TCF12: variants seen among roughly 807,000 people sequenced by gnomAD.
TCF12 encodes the protein DNA-binding protein HTF4.
A neutral mutation model predicts 86.0 loss-of-function variants in TCF12; 45 were observed. That is an observed-to-expected ratio of 0.52 (90% CI 0.41 to 0.67). TCF12 has a LOEUF of 0.67. TCF12 is among the 30% of genes least tolerant of loss of function. The pLI, the probability that TCF12 is intolerant of heterozygous loss-of-function variation, is 0.00. For synonymous variants in TCF12, 330 were observed against 299.6 expected, an observed-to-expected ratio of 1.10 and a Z score of -1.05; for missense variants, 881 against 859.9, an observed-to-expected ratio of 1.02 and a Z score of -0.31.
chr15:56,979,198 G>C (rs2062763542), intron 3 of TCF12, among the ~76,000 whole-genome samples: 3 of 152,096 alleles, frequency 2.0e-5, no homozygotes, highest in Admixed American at 2.0e-4. Context: ...TCTGAAAATT[G>C]AGTCTTTAGG....
chr15:57,069,021 T>C (rs1015636799), intron 4 of TCF12, among the ~76,000 whole-genome samples: 4 of 152,210 alleles, frequency 2.6e-5, no homozygotes, highest in African/African-American at 9.7e-5. Context: ...TGTCGAGTTA[T>C]ATGAGTTTGT....
Position 57,289,096 on chromosome 15 carries a change from G to C in TCF12, c.*2951G>C, listed in dbSNP as rs1052353463. ...TTTTTTTGACAGTGAATGACTTTTT[G>C]TAGGACCTGTGCGTGCGAAACCCAT... On this transcript the variant is annotated 3_prime_UTR_variant, in exon 21 of 21. Coordinates refer to ENST00000333725, the MANE Select transcript of TCF12 (RefSeq NM_207037.2). The C allele has an allele frequency of 3.9e-5, 6 of 152,100 alleles. No homozygotes were observed. Among genetic ancestry groups the C allele is most frequent in the Non-Finnish European group, 7.4e-5 (5 of 68,004 alleles). The allele number at this position is 152,100 out of a possible 1,614,324, so 9.4% of individuals were successfully genotyped here. A position where few individuals can be genotyped will look rare whatever the true frequency, so the allele number is the denominator to read the frequency against.
At chr15:56,933,368 GT>G (rs2060329224) in intron 3 of TCF12, among the ~76,000 whole-genome samples, 1 of 152,092 alleles carries the variant, frequency 6.6e-6, no homozygotes, top group Non-Finnish European at 1.5e-5. Flanking sequence ...TTGGGCTGTT[GT>G]TTTGTTAAAG....
Position 57,151,141 on chromosome 15 carries a change from A to ATT in TCF12, c.326-15240_326-15239dup, listed in dbSNP as rs756072811. 4.2e-3 allele frequency among the ~76,000 whole-genome samples: 533 copies of ATT among 128,106 alleles called. 6 individuals carry two copies. Among genetic ancestry groups the ATT allele is most frequent in the Admixed American group, 0.016 (194 of 12,014 alleles). The allele number at this position is 128,106 out of a possible 152,430, so 84.0% of individuals were successfully genotyped here. ...TGCAAGGATGCACCATGCCTGGCCAATTTTTTTTTTTTTTTTTTTTTTAGA... is the reference window on the plus strand; with the variant it reads ...TGCAAGGATGCACCATGCCTGGCCAATTTTTTTTTTTTTTTTTTTTTTTTAGA... On this transcript the variant is annotated intron_variant, in intron 5 of 20. Transcript: ENST00000333725.
intron 5 of TCF12, among the ~76,000 whole-genome samples, chr15:57,103,252 A>G (rs1191110202): frequency 3.3e-5 from 5 of 152,224 alleles, no homozygotes; most frequent in African/African-American, 1.2e-4. Flanking sequence ...ATAAATGTAA[A>G]TTGTGGATTT....
At chr15:56,959,029 G>T (rs1187838491) in intron 3 of TCF12, among the ~76,000 whole-genome samples, 5 of 152,034 alleles carry the variant, frequency 3.3e-5, no homozygotes, top group African/African-American at 1.2e-4. Context: ...GGCTTATTGG[G>T]TCATACCTTA....
intron 14 of TCF12, 142 bp from the exon 15 acceptor site, chr15:57,252,279 A>G: frequency 1.2e-5 from 7 of 594,056 alleles, no homozygotes; most frequent in Non-Finnish European, 1.8e-5. Flanking sequence ...GCCTTTTCAT[A>G]TCTTAATAAA....
intron 6 of TCF12, among the ~76,000 whole-genome samples, chr15:57,186,450 C>T (rs1172082721): frequency 1.3e-5 from 2 of 152,068 alleles, no homozygotes; most frequent in African/African-American, 2.4e-5. Flanking sequence ...AGTGAGCCAT[C>T]ATTGAGCCAC....
intron 3 of TCF12, among the ~76,000 whole-genome samples, chr15:56,944,971 G>T (rs563690790): frequency 6.6e-6 from 1 of 152,230 alleles, no homozygotes; most frequent in African/African-American, 2.4e-5. Flanking sequence ...TGCAATACAT[G>T]AACATATCTC....
At chr15:57,251,516 G>A (rs1597644777) in intron 14 of TCF12, 93 bp downstream of exon 14, 1 of 1,185,602 alleles carries the variant, frequency 8.4e-7, no homozygotes, top group Non-Finnish European at 1.2e-6. Context: ...CAGTAGGCTA[G>A]CATTGCACAT....
intron 3 of TCF12, among the ~76,000 whole-genome samples, chr15:56,962,132 CAAAAAAAAA>C (rs397853683): frequency 9.0e-4 from 57 of 63,022 alleles, no homozygotes; most frequent in Admixed American, 3.1e-4. Flanking sequence ...GACTCCGTCT[CAAAAAAAAA>C]AAAAAAAAAA....
In TCF12 at chr15:57,271,543, C is replaced by A. The variant is rs148483837; in HGVS notation, c.1746-1487C>A. On this transcript the variant is annotated intron_variant, in intron 18 of 20. Transcript: ENST00000333725. ...GGTAATCCCCCAACCCCTTGCACTTCCCACGTGAGGCAATGCCCCACCCTG... is the reference window on the plus strand; with the variant it reads ...GGTAATCCCCCAACCCCTTGCACTTACCACGTGAGGCAATGCCCCACCCTG... Among the ~76,000 whole-genome samples the A allele has an allele frequency of 2.6e-3, 392 of 152,314 alleles. 4 individuals carry two copies. The highest frequency in any genetic ancestry group is 0.014 in the Middle Eastern group (4 of 294).
downstream of TCF12, among the ~76,000 whole-genome samples, chr15:57,290,323 A>T (rs1212518266): frequency 6.3e-5 from 9 of 143,386 alleles, no homozygotes; most frequent in African/African-American, 2.1e-4. Context: ...AGCCAGGGGA[A>T]CAAGAGCAAA....
chr15:57,270,803 C>G (rs1174045890), intron 18 of TCF12, among the ~76,000 whole-genome samples: 2 of 152,152 alleles, frequency 1.3e-5, no homozygotes, highest in African/African-American at 4.8e-5. Context: ...TGTTAGTTTT[C>G]CTTCTAACAG....
rs376547557 is a variant in TCF12 at position 56,967,246 on chromosome 15, AT to A, written c.148+46150del. Among the ~76,000 whole-genome samples, 137 of 152,018 alleles carry A rather than the reference AT, an allele frequency of 9.0e-4. 4 individuals carry two copies. The highest frequency in any genetic ancestry group is 3.3e-3 in the African/African-American group (135 of 41,454). On this transcript the variant is annotated intron_variant, in intron 3 of 20. Transcript: ENST00000333725. The stretch of plus-strand genomic sequence containing the variant: ...ATTATAATATACCTTGCTAGTGAAC[AT>A]TGTTTTGACTACCTGTGAGCCTGTC...
intron 3 of TCF12, among the ~76,000 whole-genome samples, chr15:57,038,579 C>T (rs781347908): frequency 4.6e-5 from 7 of 152,088 alleles, no homozygotes; most frequent in East Asian, 3.8e-4. Flanking sequence ...CCTGAAAATA[C>T]GCTTTTCATA....
rs1423688237 is a variant in TCF12, at chr15:57,225,828, C to T, written c.580-5324C>T. Among the ~76,000 whole-genome samples the T allele has an allele frequency of 4.6e-5, 7 of 151,050 alleles. No individual in the cohort carries two copies. The East Asian group carries it at 1.2e-3, about 25-fold the overall frequency. On this transcript the variant is annotated intron_variant, in intron 8 of 20. Transcript: ENST00000333725. ...TATATATTGCTACGTGTGGAACTTG[C>T]GTAGATTAATCAATTTATTTATTTA...
chr15:57,039,245 G>A (rs1241204498), intron 3 of TCF12, among the ~76,000 whole-genome samples: 4 of 152,130 alleles, frequency 2.6e-5, no homozygotes, highest in East Asian at 1.9e-4. Context: ...AATTGATGCC[G>A]TAATTGAGAG....
intron 8 of TCF12, among the ~76,000 whole-genome samples, chr15:57,226,047 A>G (rs2058859423): frequency 7.0e-6 from 1 of 143,406 alleles, no homozygotes; most frequent in African/African-American, 2.6e-5. Context: ...TAAATTAATA[A>G]TTTAAACACT....
Sources: gnomAD v4.1 joint callset for allele counts (sites outside exome capture counted in the v4.1 genomes callset) on GRCh38, gnomAD v4.1.1 for gene constraint, MANE v1.5 for transcripts, NCBI Gene and HGNC (gene_info 2026-07-23, HGNC 2026-07-21) for gene names.